The following ANKRD28 variants were observed in gnomAD, a reference collection of about 807,000 sequenced individuals.
ANKRD28 encodes the protein ankyrin repeat domain 28.
ANKRD28 carries 44 observed loss-of-function variants against 126.5 expected under a neutral mutation model. The ratio of observed to expected loss-of-function variants is 0.35; its 90% CI spans 0.27 to 0.45. The LOEUF (loss-of-function observed/expected upper bound fraction) is 0.45, where lower values mean the gene tolerates loss of function less well. ANKRD28 is among the 20% of genes least tolerant of loss of function. The probability of loss-of-function intolerance (pLI) is 1.00; values close to 1 mark genes in which losing one functional copy is unlikely to be tolerated. For missense variants in ANKRD28, 1,110 were observed against 1,316.6 expected, an observed-to-expected ratio of 0.84 and a Z score of 2.43; for synonymous variants, 442 against 468.5, an observed-to-expected ratio of 0.94 and a Z score of 0.73.
intron 1 of ANKRD28, among the ~76,000 whole-genome samples, chr3:15,850,220 TATATAGAGAG>T (rs1408806047): frequency 8.1e-5 from 4 of 49,352 alleles, no homozygotes; most frequent in Non-Finnish European, 1.3e-4. Context: ...TATATATATA[TATATAGAGAG>T]AGAGAGAGAG....
intron 7 of ANKRD28, among the ~76,000 whole-genome samples, chr3:15,721,758 T>A (rs1472446262): frequency 1.3e-5 from 2 of 152,206 alleles, no homozygotes; most frequent in African/African-American, 4.8e-5. Context: ...GCTTTTCTTT[T>A]TTTTGAGACA....
chr3:15,818,426 G>A lies in ANKRD28; in HGVS notation c.28-23120C>T, dbSNP rs1444537714. 1.6e-4 allele frequency among the ~76,000 whole-genome samples: 24 copies of A among 152,196 alleles called. 1 individual carries two copies. Among genetic ancestry groups the A allele is most frequent in the Admixed American group, 1.6e-3 (24 of 15,278 alleles). On this transcript the variant is annotated intron_variant, in intron 1 of 27. Transcript: ENST00000399451. ...TGGGTTACACGTATAAGATGTATATGAAACAAATGAATTTCGTGTTTAGAC... is the reference window on the plus strand; with the variant it reads ...TGGGTTACACGTATAAGATGTATATAAAACAAATGAATTTCGTGTTTAGAC...
chr3:15,677,938 A>G (rs564837303), intron 24 of ANKRD28, among the ~76,000 whole-genome samples: 10 of 152,176 alleles, frequency 6.6e-5, no homozygotes, highest in African/African-American at 2.2e-4. Context: ...CATTTAGCTG[A>G]AAGATCTAGG....
At chr3:15,804,240 C>T (rs1341099585) in intron 1 of ANKRD28, among the ~76,000 whole-genome samples, 2 of 145,080 alleles carry the variant, frequency 1.4e-5, no homozygotes, top group Non-Finnish European at 3.0e-5. Flanking sequence ...CAGTAAAAGA[C>T]AGTATATACT....
intron 1 of ANKRD28, among the ~76,000 whole-genome samples, chr3:15,822,116 T>A (rs1575769672): frequency 6.6e-6 from 1 of 152,214 alleles, no homozygotes; most frequent in Non-Finnish European, 1.5e-5. Context: ...GGACTGGCCA[T>A]ATGCTCAGAG....
chr3:15,850,187 C>CA (rs2061607602), intron 1 of ANKRD28, among the ~76,000 whole-genome samples: 1 of 22,746 alleles, frequency 4.4e-5, no homozygotes. Context: ...TATCTACATG[C>CA]AATAAAAAAA....
intron 10 of ANKRD28, 141 bp downstream of exon 10, chr3:15,713,386 G>A: frequency 1.6e-6 from 1 of 609,900 alleles, no homozygotes; most frequent in Non-Finnish European, 2.8e-6. Context: ...CTACCACTTT[G>A]TCAATACAAA....
rs2074012725 is a variant in ANKRD28, at chr3:15,724,460, C to G, written c.705G>C (p.Lys235Asn). Residue 235 changes from lysine (K) to asparagine (N), a missense_variant, in exon 7 of 28, where the codon AAG (lysine) becomes AAC (asparagine). Physicochemically the swap from Lys to Asn is moderately conservative, Grantham distance 94. Transcript: ENST00000683139. ...HGAEVTCKDKKSYTPLHAAAS... is the reference protein window; with the variant it reads ...HGAEVTCKDKNSYTPLHAAAS... Reference sequence around the variant, plus strand: ...CTGCTGCATGAAGAGGTGTATAAGACTTTTTATCCTTGCATGTCACTTCAG... The same window carrying G: ...CTGCTGCATGAAGAGGTGTATAAGAGTTTTTATCCTTGCATGTCACTTCAG... 1 of 1,598,172 alleles carries G rather than the reference C, an allele frequency of 6.3e-7. No homozygotes were observed. Among genetic ancestry groups the G allele is most frequent in the East Asian group, 2.2e-5 (1 of 44,448 alleles).
chr3:15,842,086 T>A (rs2061435219), intron 1 of ANKRD28, among the ~76,000 whole-genome samples: 1 of 148,056 alleles, frequency 6.8e-6, no homozygotes, highest in Non-Finnish European at 1.5e-5. Flanking sequence ...ATTTTTATAT[T>A]ATTTTATAAT....
At chr3:15,804,681 T>C (rs140396031) in intron 1 of ANKRD28, among the ~76,000 whole-genome samples, 7 of 145,568 alleles carry the variant, frequency 4.8e-5, no homozygotes, top group East Asian at 3.0e-4. Flanking sequence ...GATGTGGTCA[T>C]TGAGGTGGTT....
intron 11 of ANKRD28, 128 bp from the exon 12 acceptor site, chr3:15,711,402 G>C (rs2126063223): frequency 2.9e-6 from 2 of 689,086 alleles, no homozygotes; most frequent in East Asian, 2.8e-5. Flanking sequence ...TTAAGTGCTA[G>C]AGTGCCTGTT....
intron 3 of ANKRD28, among the ~76,000 whole-genome samples, chr3:15,755,763 A>G (rs1407844893): frequency 6.6e-6 from 1 of 152,212 alleles, no homozygotes. Flanking sequence ...ATGGTAGAAG[A>G]TAGTATTTGT....
In ANKRD28 at chr3:15,735,838, C is replaced by T. The variant is rs572890630; in HGVS notation, c.553-341G>A. ...TTCATAGTCCAAAATGTTAAAAGTGCATTCTCATTCTAGAAATGTCTTAAA... is the reference window on the plus strand; with the variant it reads ...TTCATAGTCCAAAATGTTAAAAGTGTATTCTCATTCTAGAAATGTCTTAAA... On this transcript the variant is annotated intron_variant, in intron 5 of 27. Coordinates refer to ENST00000683139, the MANE Select transcript of ANKRD28 (RefSeq NM_001349278.2). Among the ~76,000 whole-genome samples, 34 of 152,238 alleles carry T rather than the reference C, an allele frequency of 2.2e-4. No individual in the cohort carries two copies. In the East Asian group the frequency reaches 3.9e-3, roughly 17 times the overall value.
rs540243806 is a variant in ANKRD28, at chr3:15,827,169, G to A, written c.28-31863C>T. ...AGAACCCCTACCCACTGTTGGGGAG[G>A]AATGTAAATTAGTACAGCCATTATG... On this transcript the variant is annotated intron_variant, in intron 1 of 27. Coordinates refer to the ANKRD28 transcript ENST00000399451. Among the ~76,000 whole-genome samples the A allele has an allele frequency of 1.6e-4, 24 of 152,206 alleles. No individual in the cohort carries two copies. In the South Asian group the frequency reaches 5.0e-3, roughly 32 times the overall value.
At chr3:15,783,681 G>A (rs2345737) in intron 2 of ANKRD28, among the ~76,000 whole-genome samples, 2,861 of 152,024 alleles carry the variant, frequency 0.019, 205 homozygotes, top group Admixed American at 0.11. Context: ...CTCAGCAACA[G>A]AAAGAAAGGA....
chr3:15,744,513 C>T (rs2057346520), intron 4 of ANKRD28, among the ~76,000 whole-genome samples: 1 of 138,118 alleles, frequency 7.2e-6, no homozygotes, highest in African/African-American at 2.8e-5. Flanking sequence ...GATGGGGTTT[C>T]ACCATGTTGG....
chr3:15,766,868 T>A (rs2058763741), intron 2 of ANKRD28, among the ~76,000 whole-genome samples: 1 of 152,152 alleles, frequency 6.6e-6, no homozygotes, highest in Non-Finnish European at 1.5e-5. Flanking sequence ...TATAGGAAAA[T>A]TTTACTTCAT....
intron 8 of ANKRD28, among the ~76,000 whole-genome samples, chr3:15,718,392 T>A (rs2073320472): frequency 6.6e-6 from 1 of 152,214 alleles, no homozygotes; most frequent in Non-Finnish European, 1.5e-5. Context: ...ACTTGTCATA[T>A]ATGAAATTCA....
chr3:15,784,365 T>A (rs1216932301), intron 2 of ANKRD28, among the ~76,000 whole-genome samples: 1 of 152,032 alleles, frequency 6.6e-6, no homozygotes, highest in Non-Finnish European at 1.5e-5. Context: ...ACAGCAGTGA[T>A]ACAAGGAATG....
Sources: gnomAD v4.1 joint callset for allele counts (sites outside exome capture counted in the v4.1 genomes callset) on GRCh38, gnomAD v4.1.1 for gene constraint, MANE v1.5 for transcripts, NCBI Gene and HGNC (gene_info 2026-07-23, HGNC 2026-07-21) for gene names.